Variants in LIN28B observed in about 807,000 individuals in gnomAD.
The protein encoded by LIN28B is protein lin-28 homolog B.
A neutral mutation model predicts 21.9 loss-of-function variants in LIN28B; 5 were observed. The observed-to-expected ratio is 0.23, with a 90% CI of 0.12 to 0.48. The LOEUF is 0.48. Ranked by LOEUF, LIN28B falls within the 20% of genes least tolerant of loss-of-function variation. The pLI, the probability that LIN28B is intolerant of heterozygous loss-of-function variation, is 0.98. For synonymous variants in LIN28B, 109 were observed against 111.3 expected (o/e 0.98, Z 0.13); for missense variants, 245 against 310.5 (o/e 0.79, Z 1.58).
intron 2 of LIN28B, among the ~76,000 whole-genome samples, chr6:104,970,192 T>C (rs139790580): frequency 4.6e-4 from 70 of 152,324 alleles, no homozygotes; most frequent in African/African-American, 1.6e-3. Context: ...TGCTTGTTAA[T>C]TTATTTAAGT....
rs1193641983 is a variant in LIN28B at position 105,082,514 on chromosome 6, G to T, written c.*3731G>T. ...GAAATGTTTATCATAAAATATATAT[G>T]TGTATTTCCCCTTTGGTTATAAAAT... On this transcript the variant is annotated 3_prime_UTR_variant, in exon 4 of 4. Coordinates refer to ENST00000345080, the MANE Select transcript of LIN28B (RefSeq NM_001004317.4). 1 of 152,602 alleles carries T rather than the reference G, an allele frequency of 6.6e-6. No homozygotes were observed. The highest frequency in any genetic ancestry group is 1.5e-5 in the Non-Finnish European group (1 of 68,034). 9.5% of individuals were successfully genotyped at this position (152,602 alleles called of 1,614,324 possible). A position where few individuals can be genotyped will look rare whatever the true frequency, so the allele number is the denominator to read the frequency against.
chr6:104,950,195 T>C (rs565695743), intron 2 of LIN28B, among the ~76,000 whole-genome samples: 3 of 152,298 alleles, frequency 2.0e-5, no homozygotes, highest in Non-Finnish European at 2.9e-5. Context: ...GTTCGTGATA[T>C]TGGGATCTTT....
intron 3 of LIN28B, among the ~76,000 whole-genome samples, chr6:105,075,121 A>T (rs1772400633): frequency 6.6e-6 from 1 of 152,234 alleles, no homozygotes; most frequent in Non-Finnish European, 1.5e-5. Flanking sequence ...ATGGGAATAT[A>T]TAATAAAGTA....
intron 1 of LIN28B, among the ~76,000 whole-genome samples, chr6:104,957,676 G>T (rs192688702): frequency 6.6e-6 from 1 of 152,076 alleles, no homozygotes; most frequent in East Asian, 1.9e-4. Context: ...TTAACTAGTA[G>T]CTCTAAACCA....
chr6:105,015,937 AC>A (rs780042719), intron 2 of LIN28B, among the ~76,000 whole-genome samples: 7 of 152,332 alleles, frequency 4.6e-5, no homozygotes, highest in African/African-American at 4.8e-5. Flanking sequence ...CTTATAGTAT[AC>A]ATCCTTAAAT....
chr6:105,006,410 CA>C lies in LIN28B; in HGVS notation c.199-19886del, dbSNP rs1467766444. 2.6e-5 allele frequency among the ~76,000 whole-genome samples: 4 copies of C among 152,136 alleles called. No homozygotes were observed. The East Asian group carries it at 7.7e-4, about 29-fold the overall frequency. Reference sequence around the variant, plus strand: ...CACTGCAATCTCCACCTTCCAGGTTCAAGCAATTCTCCTGTCTCAGCCTCCT... The same window carrying C: ...CACTGCAATCTCCACCTTCCAGGTTCAGCAATTCTCCTGTCTCAGCCTCCT... On this transcript the variant is annotated intron_variant, in intron 2 of 3. Transcript: ENST00000345080.
In LIN28B at chr6:105,078,551, C is replaced by A. The variant is rs201716597; in HGVS notation, c.521C>A (p.Ala174Glu). The A allele has an allele frequency of 6.2e-7, 1 of 1,614,044 alleles. No individual in the cohort carries two copies. The highest frequency in any genetic ancestry group is 8.5e-7 in the Non-Finnish European group (1 of 1,180,028). ...CPHKNVAQPP[A>E]SSQGRQEAES... The stretch of plus-strand genomic sequence containing the variant: ...CATAAAAATGTTGCACAGCCACCCG[C>A]GAGTTCTCAGGGAAGACAGGAAGCA... Residue 174 changes from alanine (A) to glutamate (E), a missense_variant, in exon 4 of 4, where the codon GCG (alanine) becomes GAG (glutamate). Ala to Glu is a moderately radical substitution (Grantham distance 107). Coordinates refer to ENST00000345080, the MANE Select transcript of LIN28B (RefSeq NM_001004317.4).
intron 2 of LIN28B, chr6:104,941,573 C>T (rs1158929843): frequency 6.6e-6 from 1 of 150,822 alleles, no homozygotes; most frequent in African/African-American, 2.4e-5. Flanking sequence ...CGCACGGGGC[C>T]GCGCCGCCAG....
At chr6:105,040,444 C>A (rs1328410814) in intron 3 of LIN28B, among the ~76,000 whole-genome samples, 1 of 151,938 alleles carries the variant, frequency 6.6e-6, no homozygotes, top group African/African-American at 2.4e-5. Flanking sequence ...TAATAGATTT[C>A]TTCTTTCATG....
chr6:104,985,501 G>T (rs973606959), intron 2 of LIN28B, among the ~76,000 whole-genome samples: 3 of 152,088 alleles, frequency 2.0e-5, no homozygotes, highest in Non-Finnish European at 4.4e-5. Flanking sequence ...ATTCTTGATA[G>T]TACATATCTT....
chr6:105,039,689 A>AT (rs1562102212), intron 3 of LIN28B, among the ~76,000 whole-genome samples: 1 of 152,134 alleles, frequency 6.6e-6, no homozygotes, highest in Non-Finnish European at 1.5e-5. Context: ...TGTTCAAGTT[A>AT]TTTTGAAACC....
intron 3 of LIN28B, among the ~76,000 whole-genome samples, chr6:105,050,208 ATCTC>A (rs1189487825): frequency 2.0e-5 from 3 of 152,136 alleles, no homozygotes; most frequent in Non-Finnish European, 4.4e-5. Flanking sequence ...TGGTGACAAA[ATCTC>A]TCAGCATTTG....
chr6:104,938,130 A>G (rs6913435), intron 2 of LIN28B, among the ~76,000 whole-genome samples: 147,198 of 150,014 alleles, frequency 0.98, 72,282 homozygotes, highest in Middle Eastern at 1. Flanking sequence ...TTGTAGTCCC[A>G]GCCACTCAGG....
intron 3 of LIN28B, among the ~76,000 whole-genome samples, chr6:105,076,915 T>C (rs1368225611): frequency 6.6e-6 from 1 of 151,216 alleles, no homozygotes; most frequent in East Asian, 2.0e-4. Context: ...AGTTAAAACA[T>C]TTTGTTATTA....
intron 2 of LIN28B, among the ~76,000 whole-genome samples, chr6:104,943,492 T>C (rs966945725): frequency 6.6e-6 from 1 of 152,130 alleles, no homozygotes; most frequent in Admixed American, 6.6e-5. Flanking sequence ...GGTCAGGAAA[T>C]GATCTATAAA....
chr6:105,014,608 C>T (rs907886146), intron 2 of LIN28B, among the ~76,000 whole-genome samples: 3 of 152,186 alleles, frequency 2.0e-5, no homozygotes, highest in Non-Finnish European at 4.4e-5. Context: ...AGGCGTGAGC[C>T]ACTGCACCTG....
chr6:105,066,921 C>T (rs1311012253), intron 3 of LIN28B, among the ~76,000 whole-genome samples: 3 of 151,712 alleles, frequency 2.0e-5, no homozygotes, highest in East Asian at 1.9e-4. Flanking sequence ...AGAAATCATG[C>T]GATGAGAAGA....
intron 2 of LIN28B, among the ~76,000 whole-genome samples, chr6:104,982,742 T>C (rs1431039009): frequency 1.3e-5 from 2 of 152,200 alleles, no homozygotes; most frequent in Non-Finnish European, 2.9e-5. Flanking sequence ...ACTGTTTATC[T>C]CATAATTATT....
At chr6:105,030,612 T>TTTTTTTTC (rs1562099097) in intron 3 of LIN28B, among the ~76,000 whole-genome samples, 5 of 147,380 alleles carry the variant, frequency 3.4e-5, no homozygotes, top group African/African-American at 1.3e-4. Context: ...TTTTTTTTTT[T>TTTTTTTTC]TGGAGACAGA....
Sources: gnomAD v4.1 joint callset for allele counts (sites outside exome capture counted in the v4.1 genomes callset) on GRCh38, gnomAD v4.1.1 for gene constraint, MANE v1.5 for transcripts, NCBI Gene and HGNC (gene_info 2026-07-23, HGNC 2026-07-21) for gene names.